Variants in SLC17A9 observed in about 807,000 individuals in gnomAD.
The protein encoded by SLC17A9 is voltage-gated purine nucleotide uniporter SLC17A9.
Under a neutral mutation model 55.0 loss-of-function variants are expected in SLC17A9, and 49 were observed. The observed-to-expected ratio is 0.89, with a 90% CI of 0.71 to 1.13. The LOEUF (loss-of-function observed/expected upper bound fraction) is 1.13. Among genes scored for constraint, SLC17A9 ranks in the 50% most tolerant of loss-of-function variants. The pLI is 0.00. For missense variants in SLC17A9, 526 were observed against 569.3 expected (o/e 0.92, Z 0.77); for synonymous variants, 256 against 247.4 (o/e 1.03, Z -0.32).
intron 8 of SLC17A9, 26 bp from the exon 9 acceptor site, chr20:62,965,106 G>C (rs758364896): frequency 1.7e-5 from 28 of 1,613,796 alleles, no homozygotes; most frequent in Non-Finnish European, 2.4e-5. Flanking sequence ...GCTAACGGGA[G>C]CCCCTTCCTT....
chr20:62,963,511 T>C, intron 6 of SLC17A9, 73 bp from the exon 7 acceptor site: 1 of 1,528,420 alleles, frequency 6.5e-7, no homozygotes, highest in South Asian at 1.2e-5. Context: ...AGGGGACGCC[T>C]CTCGGGGTGG....
Position 62,957,307 on chromosome 20 carries a change from G to T in SLC17A9, c.258-134G>T, listed in dbSNP as rs992027134. On this transcript the variant is annotated intron_variant, in intron 2 of 12. Transcript: ENST00000370351. ...GGTCTCCTCACGAGGCAGCTCTGGGGTCATGAGCAGGCCCTGTAGAGGCAG... is the reference window on the plus strand; with the variant it reads ...GGTCTCCTCACGAGGCAGCTCTGGGTTCATGAGCAGGCCCTGTAGAGGCAG... 46 of 1,485,504 alleles carry T rather than the reference G, an allele frequency of 3.1e-5. No individual in the cohort carries two copies. The African/African-American group carries it at 6.5e-4, about 21-fold the overall frequency. 92.0% of individuals were successfully genotyped at this position (1,485,504 alleles called of 1,614,324 possible).
chr20:62,956,223 C>T (rs1872221474), intron 1 of SLC17A9, among the ~76,000 whole-genome samples: 1 of 152,226 alleles, frequency 6.6e-6, no homozygotes, highest in South Asian at 2.1e-4. Flanking sequence ...CCGTGGGAAG[C>T]GTCTAGGCGC....
At chr20:62,957,195 G>T (rs1223497331) in intron 2 of SLC17A9, 2 of 985,290 alleles carry the variant, frequency 2.0e-6, no homozygotes, top group Admixed American at 1.2e-4. Context: ...CCCAGAGGAA[G>T]ATGGGAGCTG....
At position 62,962,696 on chromosome 20, in the gene SLC17A9, C is replaced by T. The variant is rs774383637; in HGVS notation, c.570C>T (p.Ser190=). The T allele has an allele frequency of 1.7e-5, 27 of 1,613,964 alleles. No individual in the cohort carries two copies. The highest frequency in any genetic ancestry group is 8.3e-5 in the Admixed American group (5 of 59,998). Residue 190 remains serine, a synonymous_variant, in exon 5 of 13, where the codon TCC becomes TCT. Transcript: ENST00000370351. This position sits in a 1 kb window ranked among gnomAD's most constrained non-coding sequence, Gnocchi z 5.5. ...WYGWQSIFYF[S]GGLTLLWVWY... Reference sequence around the variant, plus strand: ...GCTGGCAGAGCATCTTCTATTTCTCCGGCGGCCTCACCTTGCTTTGGGTGT... The same window carrying T: ...GCTGGCAGAGCATCTTCTATTTCTCTGGCGGCCTCACCTTGCTTTGGGTGT...
At chr20:62,953,418 T>C in intron 1 of SLC17A9, 1 of 993,330 alleles carries the variant, frequency 1.0e-6, no homozygotes, top group Non-Finnish European at 1.5e-6. Flanking sequence ...CCTGGGCAGG[T>C]CGCCTGGCCA....
In SLC17A9 at chr20:62,967,276, G is replaced by T. The variant is rs373427207; in HGVS notation, c.1148-61G>T. 8.0e-5 allele frequency: 127 copies of T among 1,596,250 alleles called. 1 individual carries two copies. The South Asian group carries it at 1.4e-3, about 17-fold the overall frequency. ...CCCTGGCACTACCTTGGGAACCAGG[G>T]TGGGGTGTGGGGCCTGGGCTGCCCG... is the stretch of plus-strand genomic sequence containing the variant. On this transcript the variant is annotated intron_variant, in intron 12 of 12. Transcript: ENST00000370351.
Position 62,967,746 on chromosome 20 carries a change from C to T in SLC17A9, c.*246C>T. 2.1e-6 allele frequency: 1 copy of T among 468,368 alleles called. No individual in the cohort carries two copies. Among genetic ancestry groups the T allele is most frequent in the East Asian group, 3.6e-5 (1 of 27,552 alleles). 29.0% of individuals were successfully genotyped at this position (468,368 alleles called of 1,614,324 possible). ...TTCCCCACCTGCCAGCGGGCTCGGC[C>T]CTGTCCTCCTCACAGGCTGGTGTGG... is the stretch of plus-strand genomic sequence containing the variant. On this transcript the variant is annotated 3_prime_UTR_variant, in exon 13 of 13. Coordinates refer to ENST00000370351, the MANE Select transcript of SLC17A9 (RefSeq NM_022082.4).
At position 62,963,678 on chromosome 20, in the gene SLC17A9, A is replaced by G. The variant is rs761662934; in HGVS notation, c.820A>G (p.Lys274Glu). 8.2e-6 allele frequency: 13 copies of G among 1,589,416 alleles called. No homozygotes were observed. Among genetic ancestry groups the G allele is most frequent in the Middle Eastern group, 3.3e-4 (2 of 6,052 alleles). ...CTTCGAGGAGACCTTCCCCGACGCCAAGGTGAGTCGGGGGCTCCCGCAGGG... is the reference window on the plus strand; with the variant it reads ...CTTCGAGGAGACCTTCCCCGACGCCGAGGTGAGTCGGGGGCTCCCGCAGGG... The part of the protein sequence containing the change: ...TFFEETFPDA[K>E]GWIFNVVPWL... Residue 274 changes from lysine (K) to glutamate (E), a missense_variant and splice_region_variant, in exon 7 of 13, where the codon AAG becomes GAG. Coordinates refer to ENST00000370351, the MANE Select transcript of SLC17A9 (RefSeq NM_022082.4).
intron 4 of SLC17A9, 57 bp downstream of exon 4, chr20:62,960,660 A>T: frequency 6.5e-7 from 1 of 1,527,002 alleles, no homozygotes. Flanking sequence ...CCCCTTGCCG[A>T]GTGGCCCCTG....
intron 9 of SLC17A9, 105 bp from the exon 10 acceptor site, chr20:62,965,505 C>CTG: frequency 2.8e-6 from 3 of 1,081,830 alleles, no homozygotes; most frequent in Non-Finnish European, 2.7e-6. Context: ...GCCAACCTGA[C>CTG]CGTTGTGCGG....
At chr20:62,954,154 G>T (rs1403829220) in intron 1 of SLC17A9, among the ~76,000 whole-genome samples, 1 of 151,850 alleles carries the variant, frequency 6.6e-6, no homozygotes, top group Non-Finnish European at 1.5e-5. Flanking sequence ...TCCCTCCCAG[G>T]CTCGATGTTT....
rs1056272564 is a variant in SLC17A9 at position 62,956,945 on chromosome 20, C to A, written c.240C>A (p.Gly80=). ...FWGYCLTQVV[G]GHLGDRIGGE... ...GCTACTGCCTGACACAGGTTGTGGG[C>A]GGCCACCTCGGGGATCGGTAACTGC... The change falls in exon 2 of 13, where the codon GGC becomes GGA. Residue 80 remains glycine, a synonymous_variant. Coordinates refer to ENST00000370351, the MANE Select transcript of SLC17A9 (RefSeq NM_022082.4). The A allele has an allele frequency of 1.9e-6, 3 of 1,613,276 alleles. No homozygotes were observed. The Admixed American group carries it at 5.0e-5, about 27-fold the overall frequency.
chr20:62,957,914 T>C (rs1028950680), intron 3 of SLC17A9, among the ~76,000 whole-genome samples: 12 of 151,886 alleles, frequency 7.9e-5, no homozygotes, highest in South Asian at 4.2e-4. Context: ...TGTGTGTGTG[T>C]GCGTGTGCAA....
At chr20:62,954,638 C>T (rs1243909296) in intron 1 of SLC17A9, among the ~76,000 whole-genome samples, 1 of 152,190 alleles carries the variant, frequency 6.6e-6, no homozygotes, top group Non-Finnish European at 1.5e-5. Flanking sequence ...CTCAGGTAGC[C>T]GACTGTCTGG....
At chr20:62,952,935 G>A (rs917460605) in intron 1 of SLC17A9, 46 bp downstream of exon 1, 1 of 1,433,986 alleles carries the variant, frequency 7.0e-7, no homozygotes, top group Admixed American at 2.2e-5. Context: ...GTGGAGATGG[G>A]GCCGTGGGGA....
At chr20:62,961,749 A>G (rs1380560761) in intron 4 of SLC17A9, among the ~76,000 whole-genome samples, 2 of 152,220 alleles carry the variant, frequency 1.3e-5, no homozygotes, top group East Asian at 3.8e-4. Flanking sequence ...CTACTAAAGA[A>G]TGAATCCTCA....
In SLC17A9 at chr20:62,955,393, G is replaced by A. The variant is rs187553872; in HGVS notation, c.60-1372G>A. On this transcript the variant is annotated intron_variant, in intron 1 of 12. Transcript: ENST00000370351. ...GAACTCCTGACCTTGTGATCCTCCC[G>A]CCTCAGCCTCCCCAAGTGCTGGGAT... Among the ~76,000 whole-genome samples the A allele has an allele frequency of 1.2e-3, 187 of 152,254 alleles. 1 individual carries two copies. Among genetic ancestry groups the A allele is most frequent in the Non-Finnish European group, 2.2e-3 (152 of 68,004 alleles).
chr20:62,963,576 C>G lies in SLC17A9; in HGVS notation c.726-8C>G. On this transcript the variant is annotated splice_region_variant and splice_polypyrimidine_tract_variant and intron_variant, in intron 6 of 12. Transcript: ENST00000370351. ...ACCAGAGTCACGGTCCACCATTGGG[C>G]CCCGCAGGGCAGCCGTCGTCTCCCA... The G allele has an allele frequency of 6.3e-7, 1 of 1,585,414 alleles. No homozygotes were observed. Among genetic ancestry groups the G allele is most frequent in the Non-Finnish European group, 8.6e-7 (1 of 1,165,648 alleles).
Sources: allele counts gnomAD v4.1 joint callset (sites outside exome capture counted in the v4.1 genomes callset), GRCh38; gene constraint gnomAD v4.1.1; non-coding constraint Gnocchi (gnomAD v3.1); transcripts MANE v1.5; gene names NCBI Gene and HGNC (gene_info 2026-07-23, HGNC 2026-07-21).